Variants in MCHR2 observed in about 807,000 individuals in gnomAD.
The protein encoded by MCHR2 is melanin-concentrating hormone receptor 2.
A neutral mutation model predicts 24.8 loss-of-function variants in MCHR2; 15 were observed. That is an observed-to-expected ratio of 0.60 (90% confidence interval 0.40 to 0.93). MCHR2 has a LOEUF of 0.93. Ranked by LOEUF, MCHR2 falls within the 40% of genes least tolerant of loss-of-function variation. The pLI, the probability that MCHR2 is intolerant of heterozygous loss-of-function variation, is 0.00. For synonymous variants in MCHR2, 151 were observed against 147.6 expected (o/e 1.02, Z -0.17); for missense variants, 386 against 408.7 (o/e 0.94, Z 0.48).
intron 1 of MCHR2, among the ~76,000 whole-genome samples, chr6:99,973,601 T>A (rs1009310787): frequency 2.0e-5 from 3 of 152,224 alleles, no homozygotes; most frequent in African/African-American, 7.2e-5. Context: ...TTTGATCCTG[T>A]CATTATGTTA....
chr6:99,930,459 G>A (rs955115314), intron 5 of MCHR2, among the ~76,000 whole-genome samples: 11 of 151,846 alleles, frequency 7.2e-5, no homozygotes, highest in African/African-American at 2.2e-4. Context: ...CATTCTCCCT[G>A]TCACTTTCAG....
At chr6:99,923,843 G>A (rs550642797) in intron 5 of MCHR2, among the ~76,000 whole-genome samples, 1 of 151,980 alleles carries the variant, frequency 6.6e-6, no homozygotes, top group Non-Finnish European at 1.5e-5. Flanking sequence ...GTGAATTTTT[G>A]CATGAATATT....
intron 5 of MCHR2, among the ~76,000 whole-genome samples, chr6:99,925,517 T>C (rs1283176445): frequency 6.6e-6 from 1 of 152,150 alleles, no homozygotes; most frequent in Non-Finnish European, 1.5e-5. Context: ...TGATTTTCTC[T>C]GGTAATAGGA....
At chr6:99,985,226 C>T (rs1775748715) in intron 1 of MCHR2, among the ~76,000 whole-genome samples, 1 of 135,578 alleles carries the variant, frequency 7.4e-6, no homozygotes, top group Non-Finnish European at 1.5e-5. Context: ...TTGGAAGAAC[C>T]AGTATCATCA....
intron 2 of MCHR2, among the ~76,000 whole-genome samples, chr6:99,948,253 T>G (rs1774910130): frequency 6.6e-6 from 1 of 152,152 alleles, no homozygotes. Context: ...CTTATTAACT[T>G]GCTTCTAACA....
chr6:99,954,947 A>G (rs1775031081), intron 2 of MCHR2, among the ~76,000 whole-genome samples: 1 of 152,208 alleles, frequency 6.6e-6, no homozygotes, highest in Non-Finnish European at 1.5e-5. Flanking sequence ...TCCCTTCTGC[A>G]GGATATCTCA....
rs6923169 is a variant in MCHR2, at chr6:99,928,341, G to A, written c.707+6057C>T. ...TGCCCGGCTTTGGTATCAGGATGACGCTGGCCTCATAAAATGAGTTAGGGA... is the reference window on the plus strand; with the variant it reads ...TGCCCGGCTTTGGTATCAGGATGACACTGGCCTCATAAAATGAGTTAGGGA... On this transcript the variant is annotated intron_variant, in intron 5 of 5. Coordinates refer to ENST00000281806, the MANE Select transcript of MCHR2 (RefSeq NM_001040179.2). Among the ~76,000 whole-genome samples, 1,283 of 151,404 alleles carry A rather than the reference G, an allele frequency of 8.5e-3. 18 individuals carry two copies. Among genetic ancestry groups the A allele is most frequent in the African/African-American group, 0.03 (1,239 of 40,748 alleles).
At chr6:99,944,192 A>G (rs996449900) in intron 3 of MCHR2, among the ~76,000 whole-genome samples, 1 of 152,168 alleles carries the variant, frequency 6.6e-6, no homozygotes, top group African/African-American at 2.4e-5. Context: ...AGGGCCAGGA[A>G]AAAAGGGGTA....
At chr6:99,930,055 A>G (rs567520990) in intron 5 of MCHR2, among the ~76,000 whole-genome samples, 523 of 150,920 alleles carry the variant, frequency 3.5e-3, no homozygotes, top group Non-Finnish European at 5.7e-3. Flanking sequence ...ATCTCTCAGC[A>G]TTTGCTTGTC....
intron 1 of MCHR2, among the ~76,000 whole-genome samples, chr6:99,989,452 A>G (rs531445823): frequency 4.2e-4 from 64 of 152,198 alleles, no homozygotes; most frequent in Admixed American, 2.0e-4. Flanking sequence ...TCATTTTGCC[A>G]AAGAGAATAC....
chr6:99,961,214 CT>C (rs930740915), intron 1 of MCHR2, among the ~76,000 whole-genome samples: 51 of 147,976 alleles, frequency 3.4e-4, no homozygotes, highest in African/African-American at 6.9e-4. Context: ...TTTAGGAACA[CT>C]TTTTTTTTTA....
rs1028403065 is a variant in MCHR2, at chr6:99,919,467, C to T, written c.*1473G>A. ...GTTGAAAATTGGTTTCAGATGTTTA[C>T]GGAGAAAACAAATTTAATGTATTTA... On this transcript the variant is annotated 3_prime_UTR_variant, in exon 6 of 6. Coordinates refer to ENST00000281806, the MANE Select transcript of MCHR2 (RefSeq NM_001040179.2). Among the ~76,000 whole-genome samples, 3 of 152,056 alleles carry T rather than the reference C, an allele frequency of 2.0e-5. No homozygotes were observed. Among genetic ancestry groups the T allele is most frequent in the South Asian group, 2.1e-4 (1 of 4,830 alleles).
intron 1 of MCHR2, among the ~76,000 whole-genome samples, chr6:99,984,301 G>A (rs1288450487): frequency 6.7e-6 from 1 of 149,970 alleles, no homozygotes; most frequent in Non-Finnish European, 1.5e-5. Context: ...GGGTACATGT[G>A]CACAATGTGC....
intron 2 of MCHR2, among the ~76,000 whole-genome samples, chr6:99,954,320 G>C (rs1220800679): frequency 6.6e-6 from 1 of 152,096 alleles, no homozygotes; most frequent in Non-Finnish European, 1.5e-5. Context: ...ACAAAAGTTT[G>C]TTGCAGTTAT....
At chr6:99,925,019 T>C (rs1774320184) in intron 5 of MCHR2, among the ~76,000 whole-genome samples, 2 of 152,146 alleles carry the variant, frequency 1.3e-5, no homozygotes, top group Non-Finnish European at 2.9e-5. Flanking sequence ...CAGCTACTAT[T>C]ATATTGGGGC....
intron 1 of MCHR2, among the ~76,000 whole-genome samples, chr6:99,959,853 ATAG>A (rs1775143839): frequency 2.0e-5 from 3 of 150,116 alleles, no homozygotes; most frequent in African/African-American, 7.3e-5. Flanking sequence ...AATAATAATA[ATAG>A]GTAAAAAAAG....
chr6:99,978,859 T>G (rs1368970549), intron 1 of MCHR2, among the ~76,000 whole-genome samples: 3 of 152,174 alleles, frequency 2.0e-5, no homozygotes, highest in Non-Finnish European at 4.4e-5. Context: ...GTGAGATGGT[T>G]AGTGGGCTTT....
At chr6:99,966,263 T>A (rs1775294955) in intron 1 of MCHR2, among the ~76,000 whole-genome samples, 1 of 152,208 alleles carries the variant, frequency 6.6e-6, no homozygotes, top group Non-Finnish European at 1.5e-5. Flanking sequence ...ATCTTAGCTG[T>A]CACTGTTTTT....
At chr6:99,940,809 T>G (rs963057657) in intron 4 of MCHR2, among the ~76,000 whole-genome samples, 5 of 152,052 alleles carry the variant, frequency 3.3e-5, no homozygotes, top group Non-Finnish European at 5.9e-5. Context: ...CATCAGTCAC[T>G]GGCTGTCCTG....
Sources: allele counts gnomAD v4.1 joint callset (sites outside exome capture counted in the v4.1 genomes callset), GRCh38; gene constraint gnomAD v4.1.1; transcripts MANE v1.5; gene names NCBI Gene and HGNC (gene_info 2026-07-23, HGNC 2026-07-21).